Variants in GALNT13 observed in about 807,000 individuals in gnomAD.
The protein encoded by GALNT13 is UDP-GalNAc:polypeptide N-acetylgalactosaminyltransferase 13.
A neutral mutation model predicts 64.2 loss-of-function variants in GALNT13; 28 were observed. The ratio of observed to expected loss-of-function variants is 0.44; its 90% CI spans 0.32 to 0.60. The LOEUF (loss-of-function observed/expected upper bound fraction) is 0.60, where lower values mean the gene tolerates loss of function less well. Among genes scored for constraint, GALNT13 ranks in the 20% least tolerant of loss-of-function variants. The probability of loss-of-function intolerance (pLI) is 0.05; values close to 1 mark genes in which losing one functional copy is unlikely to be tolerated. For synonymous variants in GALNT13, 214 were observed against 224.6 expected (o/e 0.95, Z 0.42); for missense variants, 577 against 669.8 (o/e 0.86, Z 1.53).
chr2:154,225,137 T>TAGATGAC (rs1553499072), intron 4 of GALNT13, among the ~76,000 whole-genome samples: 77 of 130,410 alleles, frequency 5.9e-4, no homozygotes, highest in African/African-American at 1.8e-3. Context: ...GATAGATAGA[T>TAGATGAC]AGATAGATGA....
chr2:153,526,586 A>T, the GALNT13 span, among the ~76,000 whole-genome samples: 1 of 152,196 alleles, frequency 6.6e-6, no homozygotes, highest in Admixed American at 6.5e-5. Context: ...GATGGAAACA[A>T]ACAAGTCCAG....
At chr2:153,330,306 C>T in the GALNT13 span, among the ~76,000 whole-genome samples, 2 of 152,070 alleles carry the variant, frequency 1.3e-5, no homozygotes, top group African/African-American at 2.4e-5. Flanking sequence ...TTTTCTAGTT[C>T]TGTGAAAAAT....
chr2:154,130,877 A>G (rs1682571994), intron 3 of GALNT13, among the ~76,000 whole-genome samples: 1 of 152,186 alleles, frequency 6.6e-6, no homozygotes, highest in South Asian at 2.1e-4. Context: ...CTTCTGTAAA[A>G]TGGCCCTTGT....
At chr2:153,237,230 A>G in the GALNT13 span, among the ~76,000 whole-genome samples, 1 of 152,062 alleles carries the variant, frequency 6.6e-6, no homozygotes, top group Non-Finnish European at 1.5e-5. Context: ...TAGTAGCTAT[A>G]TATATTTATG....
At chr2:153,349,991 C>G in the GALNT13 span, among the ~76,000 whole-genome samples, 2 of 152,210 alleles carry the variant, frequency 1.3e-5, no homozygotes, top group African/African-American at 4.8e-5. Flanking sequence ...CACTCTAGCA[C>G]TGGGCCGAAC....
chr2:154,411,547 T>G (rs1192585288), intron 11 of GALNT13, among the ~76,000 whole-genome samples: 1 of 151,780 alleles, frequency 6.6e-6, no homozygotes, highest in Non-Finnish European at 1.5e-5. Flanking sequence ...TCCAGACAAC[T>G]TATTTTCAAT....
At chr2:153,461,341 A>G in the GALNT13 span, among the ~76,000 whole-genome samples, 2 of 152,136 alleles carry the variant, frequency 1.3e-5, no homozygotes, top group Non-Finnish European at 2.9e-5. Context: ...CCACTTCCCC[A>G]CCAGAGAGAA....
chr2:154,320,157 A>G (rs1268290940), intron 9 of GALNT13, among the ~76,000 whole-genome samples: 1 of 152,138 alleles, frequency 6.6e-6, no homozygotes, highest in African/African-American at 2.4e-5. Context: ...TTTCTCTGCC[A>G]AATGATTAAG....
the GALNT13 span, among the ~76,000 whole-genome samples, chr2:153,449,020 G>T: frequency 1.3e-5 from 2 of 151,914 alleles, no homozygotes; most frequent in Non-Finnish European, 2.9e-5. Context: ...TTTTCTCCCT[G>T]TCTCTCTTTA....
the GALNT13 span, among the ~76,000 whole-genome samples, chr2:153,863,296 A>G: frequency 1.3e-5 from 2 of 152,158 alleles, no homozygotes; most frequent in Non-Finnish European, 2.9e-5. Flanking sequence ...ATTTAAATTT[A>G]AAAAGAGGCT....
chr2:154,154,094 T>C (rs558211087), intron 4 of GALNT13, among the ~76,000 whole-genome samples: 3 of 152,330 alleles, frequency 2.0e-5, no homozygotes, highest in South Asian at 2.1e-4. Context: ...TGTGTTCTTA[T>C]ATTTCTAATA....
At chr2:153,571,906 C>CT in the GALNT13 span, among the ~76,000 whole-genome samples, 677 of 149,918 alleles carry the variant, frequency 4.5e-3, 1 homozygote, top group East Asian at 0.014. Context: ...TTGGAGTTTT[C>CT]TTTTTTTTTG....
At chr2:154,387,005 T>C (rs905243311) in intron 9 of GALNT13, among the ~76,000 whole-genome samples, 3 of 152,124 alleles carry the variant, frequency 2.0e-5, no homozygotes, top group Admixed American at 2.0e-4. Flanking sequence ...GTAAAATTCA[T>C]TATCTCATTT....
intron 3 of GALNT13, among the ~76,000 whole-genome samples, chr2:154,027,321 T>C (rs1046013134): frequency 2.0e-5 from 3 of 152,176 alleles, no homozygotes; most frequent in African/African-American, 7.2e-5. Context: ...AACGTAACAT[T>C]GGACTACTTA....
intron 3 of GALNT13, among the ~76,000 whole-genome samples, chr2:153,976,313 G>C (rs559145163): frequency 1.2e-4 from 19 of 152,132 alleles, no homozygotes; most frequent in African/African-American, 4.6e-4. Context: ...TGTGGTTTCT[G>C]TAGTTCCTAA....
chr2:153,776,079 A>T, the GALNT13 span, among the ~76,000 whole-genome samples: 1 of 152,224 alleles, frequency 6.6e-6, no homozygotes, highest in Non-Finnish European at 1.5e-5. Flanking sequence ...TATAATAAAC[A>T]ATAAGAAAAA....
the GALNT13 span, among the ~76,000 whole-genome samples, chr2:153,133,235 A>G: frequency 6.6e-6 from 1 of 152,106 alleles, no homozygotes; most frequent in South Asian, 2.1e-4. Context: ...TACCAGTTGT[A>G]AAGGGACTAA....
At position 154,379,992 on chromosome 2, in the gene GALNT13, ATTAAAC is replaced by A. The variant is rs529838112; in HGVS notation, c.1157-15993_1157-15988del. ...TTTTTTATCTAGCAGAAGAAATAAA[ATTAAAC>A]TTAAATATTTCTATTTATGTCTAAA... On this transcript the variant is annotated intron_variant, in intron 9 of 12. Transcript: ENST00000392825. Among the ~76,000 whole-genome samples, 333 of 152,208 alleles carry A rather than the reference ATTAAAC, an allele frequency of 2.2e-3. 2 individuals carry two copies. Among genetic ancestry groups the A allele is most frequent in the Non-Finnish European group, 3.4e-3 (234 of 67,934 alleles).
chr2:153,480,910 A>G, the GALNT13 span, among the ~76,000 whole-genome samples: 1 of 152,186 alleles, frequency 6.6e-6, no homozygotes. Flanking sequence ...GAAGGATGCT[A>G]AAAGTGTTAG....
Sources: gnomAD v4.1 joint callset for allele counts (sites outside exome capture counted in the v4.1 genomes callset) on GRCh38, gnomAD v4.1.1 for gene constraint, MANE v1.5 for transcripts, NCBI Gene and HGNC (gene_info 2026-07-23, HGNC 2026-07-21) for gene names.